The following IGF2 variants were observed in gnomAD, a reference collection of about 807,000 sequenced individuals.
The protein encoded by IGF2 is insulin-like growth factor 2.
A neutral mutation model predicts 12.0 loss-of-function variants in IGF2; 2 were observed. The ratio of observed to expected loss-of-function variants is 0.17; its 90% CI spans 0.07 to 0.52. IGF2 has a LOEUF of 0.52. IGF2 is among the 20% of genes least tolerant of loss of function. The pLI is 0.95. For missense variants in IGF2, 211 were observed against 268.0 expected (o/e 0.79, Z 1.48); for synonymous variants, 105 against 110.1 (o/e 0.95, Z 0.29).
intron 1 of IGF2, chr11:2,137,077 G>A (rs1172460707): frequency 1.5e-5 from 3 of 203,880 alleles, no homozygotes; most frequent in Non-Finnish European, 2.6e-5. Flanking sequence ...GAGAGGCAGC[G>A]GGCTGGCGGC....
At chr11:2,140,091 C>T (rs772475098), upstream of IGF2, 50 of 1,594,652 alleles carry the variant, frequency 3.1e-5, no homozygotes, top group Non-Finnish European at 4.3e-5. Context: ...CTCCGGCCGC[C>T]AGAGGAGAGA....
In IGF2 at chr11:2,135,463, A is replaced by G; in HGVS notation, c.61T>C (p.Cys21Arg). 1 of 1,613,806 alleles carries G rather than the reference A, an allele frequency of 6.2e-7. No homozygotes were observed. Among genetic ancestry groups the G allele is most frequent in the South Asian group, 1.1e-5 (1 of 91,078 alleles). The change falls in exon 2 of 4, where the codon TGC becomes CGC. Residue 21 changes from cysteine to arginine, a missense_variant. Coordinates refer to ENST00000416167, the MANE Select transcript of IGF2 (RefSeq NM_000612.6). Reference sequence around the variant, plus strand: ...CTGGGGCGGTAAGCAGCAATGCAGCACGAGGCGAAGGCCAAGAAGGTGAGA... The same window carrying G: ...CTGGGGCGGTAAGCAGCAATGCAGCGCGAGGCGAAGGCCAAGAAGGTGAGA... ...VLLTFLAFAS[C>R]CIAAYRPSET...
At position 2,132,488 on chromosome 11, in the gene IGF2, G is replaced by T; in HGVS notation, c.*499C>A. The T allele has an allele frequency of 5.0e-6, 1 of 198,384 alleles. No homozygotes were observed. The highest frequency in any genetic ancestry group is 1.0e-5 in the Non-Finnish European group (1 of 95,798). The allele number at this position is 198,384 out of a possible 1,614,324, so 12.3% of individuals were successfully genotyped here. On this transcript the variant is annotated 3_prime_UTR_variant, in exon 4 of 4. Coordinates refer to ENST00000416167, the MANE Select transcript of IGF2 (RefSeq NM_000612.6). ...CAAGGGAGAAGAGAAAGAGGGGGGT[G>T]GGGAGTGCCAAATTCCTTTATTTTG...
intron 1 of IGF2, chr11:2,137,154 G>A (rs1440381738): frequency 6.9e-6 from 6 of 865,390 alleles, no homozygotes; most frequent in Non-Finnish European, 8.3e-6. Flanking sequence ...GAGTGGGATG[G>A]CAGCGGGGGT....
chr11:2,141,140 G>A (rs932610328), upstream of IGF2: 1 of 185,392 alleles, frequency 5.4e-6, no homozygotes, highest in South Asian at 8.6e-5. Flanking sequence ...CAACGCTAGA[G>A]AGAAATTTCC....
At chr11:2,145,596 G>A (rs1213973902), upstream of IGF2, among the ~76,000 whole-genome samples, 1 of 152,214 alleles carries the variant, frequency 6.6e-6, no homozygotes, top group Non-Finnish European at 1.5e-5. Context: ...CCCCCAGGGG[G>A]CCACCGCTCA....
In IGF2 at chr11:2,133,778, G is replaced by T; in HGVS notation, c.158-113C>A. 7.7e-7 allele frequency: 1 copy of T among 1,306,682 alleles called. No individual in the cohort carries two copies. Among genetic ancestry groups the T allele is most frequent in the Non-Finnish European group, 1.1e-6 (1 of 947,114 alleles). 80.9% of individuals were successfully genotyped at this position (1,306,682 alleles called of 1,614,324 possible). On this transcript the variant is annotated intron_variant, in intron 2 of 3. Transcript: ENST00000416167. This position sits in a 1 kb window ranked among gnomAD's most constrained non-coding sequence, Gnocchi z 8.9. Reference sequence around the variant, plus strand: ...CCCTCAGGCCAGGCCCTGGAAGGACGCAGCCACCCTGCGGGTCAGGGGAGG... The same window carrying T: ...CCCTCAGGCCAGGCCCTGGAAGGACTCAGCCACCCTGCGGGTCAGGGGAGG...
upstream of IGF2, among the ~76,000 whole-genome samples, chr11:2,145,910 C>A (rs900874873): frequency 6.6e-6 from 1 of 152,136 alleles, no homozygotes; most frequent in Non-Finnish European, 1.5e-5. Context: ...GCTCCTCCCC[C>A]ACTACTTCCA....
chr11:2,145,418 C>A (rs565395350), upstream of IGF2, among the ~76,000 whole-genome samples: 4 of 152,258 alleles, frequency 2.6e-5, no homozygotes, highest in African/African-American at 7.2e-5. Context: ...AGGCTCCCCC[C>A]ACCTTCTCCT....
At chr11:2,149,271 C>T in the IGF2 span, 1 of 1,613,736 alleles carries the variant, frequency 6.2e-7, no homozygotes, top group Non-Finnish European at 8.5e-7. Flanking sequence ...ACCACCAAAG[C>T]AGGGGGTGCC....
chr11:2,146,780 G>A, the IGF2 span: 9 of 214,432 alleles, frequency 4.2e-5, no homozygotes, highest in Admixed American at 2.2e-4. Flanking sequence ...TCCAATCCAT[G>A]TGCCTCCAGC....
Position 2,131,473 on chromosome 11 carries a change from ACGTGTGTGCTG to A in IGF2, c.*1503_*1513del, listed in dbSNP as rs1858542275. ...GTGCAGGTGGGTGCTTGCGTGTGCA[ACGTGTGTGCTG>A]CGTGTTTGTGTGCTGTGAGCTGTGT... On this transcript the variant is annotated 3_prime_UTR_variant, in exon 4 of 4. Coordinates refer to ENST00000416167, the MANE Select transcript of IGF2 (RefSeq NM_000612.6). 1 of 228,492 alleles carries A rather than the reference ACGTGTGTGCTG, an allele frequency of 4.4e-6. No individual in the cohort carries two copies. The highest frequency in any genetic ancestry group is 8.6e-6 in the Non-Finnish European group (1 of 116,232). The allele number at this position is 228,492 out of a possible 1,614,324, so 14.2% of individuals were successfully genotyped here.
chr11:2,145,070 T>C (rs1859835633), upstream of IGF2, among the ~76,000 whole-genome samples: 1 of 151,948 alleles, frequency 6.6e-6, no homozygotes, highest in Non-Finnish European at 1.5e-5. Context: ...CGTGGGAATG[T>C]CCCCTTCAAA....
rs1160380880 is a variant in IGF2 at position 2,132,999 on chromosome 11, G to T, written c.531C>A (p.Ser177Arg). Residue 177 changes from serine to arginine, a missense_variant, in exon 4 of 4, where the codon AGC becomes AGA. By Grantham distance (110) the Ser-to-Arg change is moderately radical. Around this residue, in one of 3 missense-constraint regions of IGF2, gnomAD observed 141 missense variants for 153.1 expected, o/e 0.92. Transcript: ENST00000416167. ...AHGGAPPEMA[S>R]NRK ...GCGGCAGTTTTGCTCACTTCCGATT[G>T]CTGGCCATCTCTGGGGGGGCGCCCC... The T allele has an allele frequency of 6.5e-7, 1 of 1,532,198 alleles. No individual in the cohort carries two copies. Among genetic ancestry groups the T allele is most frequent in the East Asian group, 2.4e-5 (1 of 42,302 alleles). 94.9% of individuals were successfully genotyped at this position (1,532,198 alleles called of 1,614,324 possible).
At chr11:2,134,243 G>T (rs1192967625) in intron 2 of IGF2, 3 of 440,938 alleles carry the variant, frequency 6.8e-6, no homozygotes, top group Non-Finnish European at 9.2e-6. Context: ...GAAGGGGAAG[G>T]TCGCTGGGGG....
upstream of IGF2, among the ~76,000 whole-genome samples, chr11:2,144,331 C>G (rs946333336): frequency 1.3e-5 from 2 of 152,160 alleles, no homozygotes; most frequent in African/African-American, 2.4e-5. Flanking sequence ...AAGCCGCGGC[C>G]GAGCCGCCAC....
At chr11:2,136,186 C>T (rs116670225) in intron 1 of IGF2, among the ~76,000 whole-genome samples, 248 of 152,342 alleles carry the variant, frequency 1.6e-3, no homozygotes, top group African/African-American at 5.7e-3. Flanking sequence ...AACACAACCA[C>T]GCCACCCATG....
intron 1 of IGF2, 33 bp from the exon 2 acceptor site, chr11:2,135,562 C>G (rs1400778333): frequency 6.3e-7 from 1 of 1,594,698 alleles, no homozygotes; most frequent in Admixed American, 1.7e-5. Flanking sequence ...GTGAGCGGGG[C>G]AGCCAGGCCA....
At position 2,138,586 on chromosome 11, in the gene IGF2, G is replaced by A; in HGVS notation, c.-364C>T. On this transcript the variant is annotated 5_prime_UTR_variant, in exon 1 of 4. Coordinates refer to ENST00000416167, the MANE Select transcript of IGF2 (RefSeq NM_000612.6). ...AGGGGGGGGCCGAAGAGAGGGCGAG[G>A]GGGAGAGAGGACAGCGAGAGGCGGG... The A allele has an allele frequency of 2.2e-6, 2 of 902,182 alleles. No individual in the cohort carries two copies. The highest frequency in any genetic ancestry group is 2.6e-6 in the Non-Finnish European group (2 of 756,042). 55.9% of individuals were successfully genotyped at this position (902,182 alleles called of 1,614,324 possible).
Sources: gnomAD v4.1 joint callset for allele counts (sites outside exome capture counted in the v4.1 genomes callset) on GRCh38, gnomAD v4.1.1 for gene constraint, gnomAD v4.1.1 regional missense constraint, Gnocchi (gnomAD v3.1) non-coding constraint, MANE v1.5 for transcripts, NCBI Gene and HGNC (gene_info 2026-07-23, HGNC 2026-07-21) for gene names.